CCBE1: variants seen among roughly 807,000 people sequenced by gnomAD.
CCBE1 encodes collagen and calcium-binding EGF domain-containing protein 1.
A neutral mutation model predicts 50.0 loss-of-function variants in CCBE1; 37 were observed. The observed-to-expected ratio is 0.74, with a 90% CI of 0.57 to 0.97. The LOEUF (loss-of-function observed/expected upper bound fraction) is 0.97. Among genes scored for constraint, CCBE1 ranks in the 50% least tolerant of loss-of-function variants. The pLI, the probability that CCBE1 is intolerant of heterozygous loss-of-function variation, is 0.00. For synonymous variants in CCBE1, 234 were observed against 203.7 expected, an observed-to-expected ratio of 1.15 and a Z score of -1.27; for missense variants, 538 against 523.8, an observed-to-expected ratio of 1.03 and a Z score of -0.26.
intron 2 of CCBE1, among the ~76,000 whole-genome samples, chr18:59,483,713 T>C (rs1912683145): frequency 6.6e-6 from 1 of 152,198 alleles, no homozygotes; most frequent in African/African-American, 2.4e-5. Flanking sequence ...CAACTCCACT[T>C]CATTCCTCTC....
rs34847608 is a variant in CCBE1 at position 59,613,863 on chromosome 18, GTTTT to G, written c.212+82762_212+82765del. On this transcript the variant is annotated intron_variant, in intron 2 of 10. Coordinates refer to ENST00000439986, the MANE Select transcript of CCBE1 (RefSeq NM_133459.4). Reference sequence around the variant, plus strand: ...GCACAAAGATGTTTTTCTCTGATGGGTTTTTTTTTTTTTTTTTTTTTTTGGCAGG... The same window carrying G: ...GCACAAAGATGTTTTTCTCTGATGGGTTTTTTTTTTTTTTTTTTTGGCAGG... 1.6e-3 allele frequency among the ~76,000 whole-genome samples: 160 copies of G among 98,440 alleles called. 1 individual carries two copies. Among genetic ancestry groups the G allele is most frequent in the Middle Eastern group, 7.0e-3 (1 of 142 alleles). 64.6% of individuals were successfully genotyped at this position (98,440 alleles called of 152,430 possible).
chr18:59,470,802 C>T (rs921623694), intron 3 of CCBE1, among the ~76,000 whole-genome samples: 4 of 152,136 alleles, frequency 2.6e-5, no homozygotes, highest in African/African-American at 7.2e-5. Flanking sequence ...GGACACAGAG[C>T]GAGTCTGGCT....
chr18:59,548,518 C>T (rs1424314637), intron 2 of CCBE1, among the ~76,000 whole-genome samples: 1 of 152,088 alleles, frequency 6.6e-6, no homozygotes, highest in Non-Finnish European at 1.5e-5. Flanking sequence ...TGACAAGACG[C>T]AATCATATAA....
intron 7 of CCBE1, among the ~76,000 whole-genome samples, chr18:59,445,045 T>G (rs1440176318): frequency 6.6e-6 from 1 of 151,990 alleles, no homozygotes; most frequent in African/African-American, 2.4e-5. Flanking sequence ...TTAAGTTTGA[T>G]GTAGTCCCAT....
chr18:59,543,563 C>T (rs1306237278), intron 2 of CCBE1, among the ~76,000 whole-genome samples: 1 of 152,094 alleles, frequency 6.6e-6, no homozygotes, highest in African/African-American at 2.4e-5. Context: ...AGGCCGGGCG[C>T]GGTGGCTCAC....
At chr18:59,514,730 G>C (rs1914295061) in intron 2 of CCBE1, among the ~76,000 whole-genome samples, 1 of 147,802 alleles carries the variant, frequency 6.8e-6, no homozygotes, top group East Asian at 2.0e-4. Flanking sequence ...CCTTGCCCCA[G>C]AGTACCCTTT....
rs112318426 is a variant in CCBE1, at chr18:59,510,388, T to A, written c.213-30150A>T. 1.4e-3 allele frequency among the ~76,000 whole-genome samples: 206 copies of A among 152,294 alleles called. 1 individual carries two copies. The highest frequency in any genetic ancestry group is 4.8e-3 in the African/African-American group (200 of 41,564). On this transcript the variant is annotated intron_variant, in intron 2 of 10. Coordinates refer to ENST00000439986, the MANE Select transcript of CCBE1 (RefSeq NM_133459.4). Reference sequence around the variant, plus strand: ...TATCAATTGTAAGATGCACCATTAGTCTTTATAATATGAATAATTTTTAAG... The same window carrying A: ...TATCAATTGTAAGATGCACCATTAGACTTTATAATATGAATAATTTTTAAG...
chr18:59,605,938 G>T (rs1338251809), intron 2 of CCBE1, among the ~76,000 whole-genome samples: 1 of 152,162 alleles, frequency 6.6e-6, no homozygotes, highest in Non-Finnish European at 1.5e-5. Flanking sequence ...CTAGGCCTCA[G>T]TTAGAAATCT....
chr18:59,516,984 CCCAGGGCCAG>C (rs1474216279), intron 2 of CCBE1, among the ~76,000 whole-genome samples: 3 of 152,136 alleles, frequency 2.0e-5, no homozygotes, highest in Non-Finnish European at 4.4e-5. Flanking sequence ...GATTAAGCTC[CCCAGGGCCAG>C]CCAGATCACT....
rs118189984 is a variant in CCBE1 at position 59,670,907 on chromosome 18, C to T, written c.212+25722G>A. 4.2e-3 allele frequency among the ~76,000 whole-genome samples: 634 copies of T among 152,168 alleles called. 6 individuals are homozygous for T. Among genetic ancestry groups the T allele is most frequent in the East Asian group, 0.022 (115 of 5,162 alleles). On this transcript the variant is annotated intron_variant, in intron 2 of 10. Coordinates refer to ENST00000439986, the MANE Select transcript of CCBE1 (RefSeq NM_133459.4). Reference sequence around the variant, plus strand: ...AGGTTTCAGTGAGCCTAGATCACACCGCTGCACTCCAGCATGGGCAAAAAG... The same window carrying T: ...AGGTTTCAGTGAGCCTAGATCACACTGCTGCACTCCAGCATGGGCAAAAAG...
Position 59,522,993 on chromosome 18 carries a change from C to CAAAAAAAAAAAAAAAAAAAAAAAA in CCBE1, c.213-42756_213-42755insTTTTTTTTTTTTTTTTTTTTTTTT, listed in dbSNP as rs57217059. Among the ~76,000 whole-genome samples the CAAAAAAAAAAAAAAAAAAAAAAAA allele has an allele frequency of 3.5e-4, 31 of 89,212 alleles. 2 individuals are homozygous for CAAAAAAAAAAAAAAAAAAAAAAAA. Among genetic ancestry groups the CAAAAAAAAAAAAAAAAAAAAAAAA allele is most frequent in the Middle Eastern group, 7.0e-3 (1 of 142 alleles). The allele number at this position is 89,212 out of a possible 152,430, so 58.5% of individuals were successfully genotyped here. A position where few individuals can be genotyped will look rare whatever the true frequency, so the allele number is the denominator to read the frequency against. ...GGCAACAGAGTGAGAGACTCTGTTT[C>CAAAAAAAAAAAAAAAAAAAAAAAA]AAAAAAAAAAAAAAAAAAAATTCTC... On this transcript the variant is annotated intron_variant, in intron 2 of 10. Transcript: ENST00000439986.
At chr18:59,516,205 C>A (rs56226441) in intron 2 of CCBE1, among the ~76,000 whole-genome samples, 1 of 151,064 alleles carries the variant, frequency 6.6e-6, no homozygotes, top group East Asian at 1.9e-4. Context: ...GTGATCCACC[C>A]GCCTCAGCCT....
intron 5 of CCBE1, 130 bp downstream of exon 5, chr18:59,466,609 A>G (rs1223332029): frequency 2.4e-5 from 10 of 419,168 alleles, no homozygotes; most frequent in Non-Finnish European, 3.3e-5. Flanking sequence ...TACATAGCAT[A>G]ATTACATAAA....
At chr18:59,469,264 G>A (rs1032735629) in intron 4 of CCBE1, among the ~76,000 whole-genome samples, 2 of 152,168 alleles carry the variant, frequency 1.3e-5, no homozygotes, top group African/African-American at 2.4e-5. Context: ...TTGCCAATTA[G>A]GACCTTGCTG....
At chr18:59,466,421 C>A (rs778015174) in intron 5 of CCBE1, among the ~76,000 whole-genome samples, 1 of 151,928 alleles carries the variant, frequency 6.6e-6, no homozygotes, top group Non-Finnish European at 1.5e-5. Flanking sequence ...GCCTCCCCAG[C>A]CATATGGAAC....
chr18:59,564,484 C>T (rs1025046995), intron 2 of CCBE1, among the ~76,000 whole-genome samples: 3 of 152,280 alleles, frequency 2.0e-5, no homozygotes, highest in African/African-American at 7.2e-5. Flanking sequence ...GGTCATTAAA[C>T]CATTTCTATA....
intron 2 of CCBE1, among the ~76,000 whole-genome samples, chr18:59,570,798 CAG>C (rs901025585): frequency 5.9e-5 from 9 of 152,190 alleles, no homozygotes; most frequent in African/African-American, 1.7e-4. Context: ...GCCAAGGAAT[CAG>C]AGCAGAATCC....
intron 2 of CCBE1, among the ~76,000 whole-genome samples, chr18:59,521,250 C>A (rs1484583251): frequency 1.6e-4 from 24 of 152,208 alleles, no homozygotes; most frequent in Non-Finnish European, 4.4e-5. Flanking sequence ...AAAAATCCCC[C>A]AACTCTGACA....
chr18:59,440,219 C>T (rs1303693126), intron 7 of CCBE1, among the ~76,000 whole-genome samples: 3 of 152,172 alleles, frequency 2.0e-5, no homozygotes, highest in African/African-American at 4.8e-5. Flanking sequence ...GTGATCATGG[C>T]TGGAGAGCAG....
Sources: allele counts gnomAD v4.1 joint callset (sites outside exome capture counted in the v4.1 genomes callset), GRCh38; gene constraint gnomAD v4.1.1; transcripts MANE v1.5; gene names NCBI Gene and HGNC (gene_info 2026-07-23, HGNC 2026-07-21).